Variants in GRIK2 observed in about 807,000 individuals in gnomAD.
GRIK2 encodes the protein glutamate ionotropic receptor kainate type subunit 2.
Under a neutral mutation model 100.3 loss-of-function variants are expected in GRIK2, and 32 were observed. That is an observed-to-expected ratio of 0.32 (90% CI 0.24 to 0.43). GRIK2 has a LOEUF of 0.43. GRIK2 is among the 20% of genes least tolerant of loss of function. The pLI is 1.00. For missense variants in GRIK2, 843 were observed against 1,114.9 expected, an observed-to-expected ratio of 0.76 and a Z score of 3.47; for synonymous variants, 417 against 389.4, an observed-to-expected ratio of 1.07 and a Z score of -0.83.
At chr6:101,491,955 CTT>C (rs1416777935) in intron 2 of GRIK2, among the ~76,000 whole-genome samples, 1 of 151,452 alleles carries the variant, frequency 6.6e-6, no homozygotes, top group Non-Finnish European at 1.5e-5. Context: ...ATAGCTTAAA[CTT>C]TTTGTGCAAA....
At position 102,038,953 on chromosome 6, in the gene GRIK2, T is replaced by G. The variant is rs185531245; in HGVS notation, c.2311+3387T>G. 5.6e-3 allele frequency among the ~76,000 whole-genome samples: 852 copies of G among 151,566 alleles called. 8 individuals are homozygous for G. The highest frequency in any genetic ancestry group is 0.02 in the African/African-American group (816 of 41,482). On this transcript the variant is annotated intron_variant, in intron 15 of 16. Coordinates refer to ENST00000369134, the MANE Select transcript of GRIK2 (RefSeq NM_021956.5). ...TGAGGTATTTTCAAGAAAGCCTATG[T>G]GGTTTGATGAGGAGATTAAAACGGG...
At chr6:101,415,665 C>T (rs1270204754) in intron 2 of GRIK2, among the ~76,000 whole-genome samples, 2 of 151,738 alleles carry the variant, frequency 1.3e-5, no homozygotes, top group African/African-American at 2.4e-5. Flanking sequence ...CCACCGCGCC[C>T]GGCCGTATTT....
At chr6:101,694,626 A>G (rs968507745) in intron 7 of GRIK2, among the ~76,000 whole-genome samples, 1 of 152,118 alleles carries the variant, frequency 6.6e-6, no homozygotes, top group Non-Finnish European at 1.5e-5. Flanking sequence ...GAAGTTTATT[A>G]CTGTAACTAT....
chr6:101,579,842 T>C (rs1777984797), intron 2 of GRIK2, among the ~76,000 whole-genome samples: 1 of 143,868 alleles, frequency 7.0e-6, no homozygotes, highest in Non-Finnish European at 1.5e-5. Flanking sequence ...AGAGCGAGAC[T>C]GTGTCTTAAA....
chr6:101,492,506 A>G (rs1160540605), intron 2 of GRIK2, among the ~76,000 whole-genome samples: 3 of 151,946 alleles, frequency 2.0e-5, no homozygotes, highest in Admixed American at 6.6e-5. Context: ...GTTATAATAA[A>G]TTAATGTTAT....
chr6:101,652,846 T>G (rs747091034), intron 4 of GRIK2, among the ~76,000 whole-genome samples: 20 of 152,128 alleles, frequency 1.3e-4, no homozygotes, highest in Non-Finnish European at 1.9e-4. Flanking sequence ...CCTCCAGGAC[T>G]TCTTTGTCAG....
At chr6:101,431,043 T>C in intron 2 of GRIK2, 1 of 251,052 alleles carries the variant, frequency 4.0e-6, no homozygotes, top group South Asian at 6.1e-5. Context: ...AGGGACAGCA[T>C]GGCCCTGGGT....
chr6:101,538,111 G>T (rs770188437), intron 2 of GRIK2, among the ~76,000 whole-genome samples: 1 of 151,702 alleles, frequency 6.6e-6, no homozygotes, highest in Non-Finnish European at 1.5e-5. Flanking sequence ...CTTACAGTAT[G>T]ATTTTGGTTT....
At chr6:101,626,067 T>A (rs9377288) in intron 3 of GRIK2, among the ~76,000 whole-genome samples, 17,007 of 152,092 alleles carry the variant, frequency 0.11, 1,283 homozygotes, top group East Asian at 0.28. Context: ...TATAAACTAG[T>A]CTTCCAAAAC....
At chr6:101,962,104 G>A (rs9485571) in intron 14 of GRIK2, among the ~76,000 whole-genome samples, 9,344 of 152,122 alleles carry the variant, frequency 0.061, 434 homozygotes, top group Admixed American at 0.12. Context: ...GGGGTGAGGG[G>A]AGCATAAAGT....
intron 7 of GRIK2, among the ~76,000 whole-genome samples, chr6:101,715,832 C>T (rs548986007): frequency 1.3e-5 from 2 of 151,882 alleles, no homozygotes; most frequent in African/African-American, 4.8e-5. Flanking sequence ...GTTTATAAAC[C>T]TGCTTCGTAT....
At chr6:101,679,622 A>C (rs572672515) in intron 5 of GRIK2, among the ~76,000 whole-genome samples, 1 of 152,306 alleles carries the variant, frequency 6.6e-6, no homozygotes, top group East Asian at 1.9e-4. Context: ...ATTTAAAAAA[A>C]AATTCTACTG....
At chr6:101,967,618 C>T (rs986224019) in intron 14 of GRIK2, among the ~76,000 whole-genome samples, 1 of 151,974 alleles carries the variant, frequency 6.6e-6, no homozygotes, top group Admixed American at 6.6e-5. Flanking sequence ...CAAAAGTGAA[C>T]ACGAAAACCC....
At position 101,867,115 on chromosome 6, in the gene GRIK2, GT is replaced by G. The variant is rs1456103111; in HGVS notation, c.1524+7625del. ...GATTTAGTTCTTTCATCCACTTGTGGTTTGTTTATTAAGTCCATACTGATTG... is the reference window on the plus strand; with the variant it reads ...GATTTAGTTCTTTCATCCACTTGTGGTTGTTTATTAAGTCCATACTGATTG... On this transcript the variant is annotated intron_variant, in intron 11 of 16. Coordinates refer to ENST00000369134, the MANE Select transcript of GRIK2 (RefSeq NM_021956.5). 4.6e-5 allele frequency among the ~76,000 whole-genome samples: 7 copies of G among 151,742 alleles called. 1 individual carries two copies. Among genetic ancestry groups the G allele is most frequent in the Admixed American group, 2.0e-4 (3 of 15,224 alleles).
In GRIK2 at chr6:102,068,596, C is replaced by A. The variant is rs1282298336; in HGVS notation, c.*85C>A. 1.7e-6 allele frequency: 2 copies of A among 1,204,132 alleles called. No individual in the cohort carries two copies. The highest frequency in any genetic ancestry group is 2.4e-6 in the Non-Finnish European group (2 of 844,256). The allele number at this position is 1,204,132 out of a possible 1,614,324, so 74.6% of individuals were successfully genotyped here. A position where few individuals can be genotyped will look rare whatever the true frequency, so the allele number is the denominator to read the frequency against. On this transcript the variant is annotated 3_prime_UTR_variant, in exon 17 of 17. Coordinates refer to ENST00000369134, the MANE Select transcript of GRIK2 (RefSeq NM_021956.5). ...AATGTTTCCTGTGGAAATATGCAAC[C>A]TGTGCAAAATAAAATGAGTTACCTC...
chr6:101,884,410 A>G (rs1582453946), intron 11 of GRIK2, among the ~76,000 whole-genome samples: 1 of 152,150 alleles, frequency 6.6e-6, no homozygotes, highest in Non-Finnish European at 1.5e-5. Context: ...TGTTTCACTG[A>G]TGAGATCATG....
intron 2 of GRIK2, among the ~76,000 whole-genome samples, chr6:101,498,361 A>G (rs1393090335): frequency 1.3e-5 from 2 of 152,140 alleles, no homozygotes; most frequent in Admixed American, 6.5e-5. Flanking sequence ...AGCATGATTT[A>G]TAGTCCTTTG....
intron 5 of GRIK2, among the ~76,000 whole-genome samples, chr6:101,680,774 T>C (rs1771182822): frequency 6.6e-6 from 1 of 152,176 alleles, no homozygotes; most frequent in South Asian, 2.1e-4. Context: ...TCAGGAGCAA[T>C]GAATGCCTTC....
intron 2 of GRIK2, among the ~76,000 whole-genome samples, chr6:101,620,867 C>T (rs566368559): frequency 2.6e-5 from 4 of 151,814 alleles, no homozygotes; most frequent in Non-Finnish European, 4.4e-5. Context: ...TCCCAGCTAA[C>T]GAGAGAGCAA....
Sources: gnomAD v4.1 joint callset for allele counts (sites outside exome capture counted in the v4.1 genomes callset) on GRCh38, gnomAD v4.1.1 for gene constraint, MANE v1.5 for transcripts, NCBI Gene and HGNC (gene_info 2026-07-23, HGNC 2026-07-21) for gene names.